The following EPHA5 variants were observed in gnomAD, a reference collection of about 807,000 sequenced individuals.
The protein encoded by EPHA5 is ephrin type-A receptor 5.
A neutral mutation model predicts 105.0 loss-of-function variants in EPHA5; 60 were observed. That is an observed-to-expected ratio of 0.57 (90% CI 0.46 to 0.71). EPHA5 has a LOEUF of 0.71. EPHA5 is among the 30% of genes least tolerant of loss of function. The pLI is 0.00. For synonymous variants in EPHA5, 513 were observed against 449.1 expected (o/e 1.14, Z -1.80); for missense variants, 1,218 against 1,274.7 (o/e 0.96, Z 0.68).
At chr4:65,590,202 A>T (rs1180842265) in intron 3 of EPHA5, among the ~76,000 whole-genome samples, 1 of 152,244 alleles carries the variant, frequency 6.6e-6, no homozygotes, top group South Asian at 2.1e-4. Flanking sequence ...TCTTTTATAA[A>T]CTACACCTTT....
Position 65,551,085 on chromosome 4 carries a change from T to C in EPHA5, c.910+50556A>G, listed in dbSNP as rs752656478. 6.3e-4 allele frequency among the ~76,000 whole-genome samples: 96 copies of C among 152,012 alleles called. No homozygotes were observed. In the Middle Eastern group the frequency reaches 0.014, roughly 22 times the overall value. ...ATTTGTACATATACACACGTATGTATATTCACATATATGTGTATATATGAA... is the reference window on the plus strand; with the variant it reads ...ATTTGTACATATACACACGTATGTACATTCACATATATGTGTATATATGAA... On this transcript the variant is annotated intron_variant, in intron 3 of 16. Transcript: ENST00000613740.
At chr4:65,324,296 C>A (rs568936754) in intron 16 of EPHA5, 77 bp from the exon 17 acceptor site, 1 of 957,836 alleles carries the variant, frequency 1.0e-6, no homozygotes, top group Non-Finnish European at 1.7e-6. Flanking sequence ...GGCAAAGGGG[C>A]AAACATAGTG....
intron 5 of EPHA5, among the ~76,000 whole-genome samples, chr4:65,430,667 A>G (rs1465021184): frequency 6.6e-6 from 1 of 152,002 alleles, no homozygotes; most frequent in African/African-American, 2.4e-5. Flanking sequence ...ATCCAAGTTC[A>G]CCCCACCAGG....
chr4:65,378,779 T>C (rs1339646246), intron 8 of EPHA5, among the ~76,000 whole-genome samples: 1 of 121,126 alleles, frequency 8.3e-6, no homozygotes, highest in East Asian at 2.7e-4. Context: ...GCTTGTTTTC[T>C]TTCTTTCTTT....
chr4:65,659,470 G>A (rs60177897), intron 1 of EPHA5, among the ~76,000 whole-genome samples: 1 of 151,866 alleles, frequency 6.6e-6, no homozygotes, highest in Non-Finnish European at 1.5e-5. Context: ...ATGTTAATAC[G>A]AGTTAAATTA....
chr4:65,344,675 T>C (rs913026676), intron 14 of EPHA5, among the ~76,000 whole-genome samples: 7 of 152,072 alleles, frequency 4.6e-5, no homozygotes, highest in Non-Finnish European at 8.8e-5. Flanking sequence ...AAGGGAAGAA[T>C]GGCATTGCAA....
At chr4:65,612,206 G>C (rs1262862986) in intron 2 of EPHA5, among the ~76,000 whole-genome samples, 3 of 152,038 alleles carry the variant, frequency 2.0e-5, no homozygotes, top group African/African-American at 7.2e-5. Context: ...ATACTGCATA[G>C]TGGTGAAGTC....
At chr4:65,334,443 G>A (rs1303043482) in intron 15 of EPHA5, among the ~76,000 whole-genome samples, 1 of 151,942 alleles carries the variant, frequency 6.6e-6, no homozygotes, top group East Asian at 1.9e-4. Flanking sequence ...GGAAAGGAAA[G>A]CACAAGGTCG....
intron 3 of EPHA5, among the ~76,000 whole-genome samples, chr4:65,572,061 T>C (rs981009832): frequency 1.3e-5 from 2 of 152,092 alleles, no homozygotes; most frequent in African/African-American, 2.4e-5. Context: ...AATATTAATA[T>C]GAAGGGGTTA....
intron 3 of EPHA5, among the ~76,000 whole-genome samples, chr4:65,547,410 TA>T (rs1271020392): frequency 6.6e-6 from 1 of 151,992 alleles, no homozygotes; most frequent in Non-Finnish European, 1.5e-5. Context: ...AAGCTGTTTT[TA>T]AAAAGGTCAG....
At position 65,414,424 on chromosome 4, in the gene EPHA5, G is replaced by A. The variant is rs1327931544; in HGVS notation, c.1547C>T (p.Thr516Met). 3.1e-6 allele frequency: 5 copies of A among 1,613,810 alleles called. No individual in the cohort carries two copies. The highest frequency in any genetic ancestry group is 2.2e-5 in the East Asian group (1 of 44,838). ...YFEKDQETSY[T>M]IIKSKETTIT... ...AGTTGTCTCTTTAGATTTGATAATCGTGTAGCTGGTCTCTTGGTCCTTGGG... is the reference window on the plus strand; with the variant it reads ...AGTTGTCTCTTTAGATTTGATAATCATGTAGCTGGTCTCTTGGTCCTTGGG... Residue 516 changes from threonine (T) to methionine (M), a missense_variant, in exon 7 of 17, where the codon ACG becomes ATG. By Grantham distance (81) the Thr-to-Met change is moderately conservative (BLOSUM62 -1). Around this residue, in one of 3 missense-constraint regions of EPHA5, gnomAD observed 971 missense variants for 1,013.5 expected, o/e 0.96. Transcript: ENST00000613740.
At chr4:65,488,781 C>T (rs890621991) in intron 5 of EPHA5, among the ~76,000 whole-genome samples, 8 of 152,080 alleles carry the variant, frequency 5.3e-5, no homozygotes, top group African/African-American at 1.9e-4. Context: ...AGAATAATTC[C>T]TATTGCATTA....
At chr4:65,548,675 G>A (rs143332773) in intron 3 of EPHA5, among the ~76,000 whole-genome samples, 23 of 152,154 alleles carry the variant, frequency 1.5e-4, no homozygotes, top group African/African-American at 5.5e-4. Context: ...TGTTTGTTCT[G>A]GACTATTTTT....
At chr4:65,642,024 G>A (rs1458675629) in intron 2 of EPHA5, among the ~76,000 whole-genome samples, 1 of 151,980 alleles carries the variant, frequency 6.6e-6, no homozygotes, top group Non-Finnish European at 1.5e-5. Context: ...TACTCTCATA[G>A]ATATGCTCTT....
At chr4:65,332,903 T>C (rs1214230951) in intron 15 of EPHA5, among the ~76,000 whole-genome samples, 1 of 151,884 alleles carries the variant, frequency 6.6e-6, no homozygotes, top group Non-Finnish European at 1.5e-5. Context: ...TATCTGGAAG[T>C]TAAGAAACTA....
intron 14 of EPHA5, among the ~76,000 whole-genome samples, chr4:65,337,134 A>C (rs1445717150): frequency 6.6e-6 from 1 of 152,006 alleles, no homozygotes; most frequent in African/African-American, 2.4e-5. Context: ...ATACAGAATG[A>C]TCTTTCAACA....
chr4:65,489,867 A>C (rs1731236212), intron 5 of EPHA5, among the ~76,000 whole-genome samples: 1 of 152,218 alleles, frequency 6.6e-6, no homozygotes, highest in Non-Finnish European at 1.5e-5. Flanking sequence ...AAATAAACTT[A>C]GCAAAGAAAA....
At chr4:65,432,021 T>C (rs1725026892) in intron 5 of EPHA5, among the ~76,000 whole-genome samples, 1 of 152,166 alleles carries the variant, frequency 6.6e-6, no homozygotes, top group African/African-American at 2.4e-5. Flanking sequence ...TCAAAATTTA[T>C]GGATAAAACT....
chr4:65,364,203 C>T (rs58361407), intron 11 of EPHA5, among the ~76,000 whole-genome samples: 2,369 of 151,674 alleles, frequency 0.016, 58 homozygotes, highest in African/African-American at 0.054. Context: ...TCTGAGCATG[C>T]TTCCTGGAGA....
Sources: gnomAD v4.1 joint callset for allele counts (sites outside exome capture counted in the v4.1 genomes callset) on GRCh38, gnomAD v4.1.1 for gene constraint, gnomAD v4.1.1 regional missense constraint, MANE v1.5 for transcripts, NCBI Gene and HGNC (gene_info 2026-07-23, HGNC 2026-07-21) for gene names.